NRG3: variants seen among roughly 807,000 people sequenced by gnomAD.
The protein encoded by NRG3 is pro-neuregulin-3, membrane-bound isoform.
A neutral mutation model predicts 66.9 loss-of-function variants in NRG3; 31 were observed. That is an observed-to-expected ratio of 0.46 (90% CI 0.35 to 0.63). NRG3 has a LOEUF of 0.63. Among genes scored for constraint, NRG3 ranks in the 20% least tolerant of loss-of-function variants. NRG3 has a pLI of 0.00. For synonymous variants in NRG3, 393 were observed against 359.4 expected (o/e 1.09, Z -1.06); for missense variants, 910 against 878.9 (o/e 1.04, Z -0.45).
At chr10:82,264,559 A>G (rs1263083304) in intron 1 of NRG3, among the ~76,000 whole-genome samples, 1 of 152,202 alleles carries the variant, frequency 6.6e-6, no homozygotes, top group African/African-American at 2.4e-5. Context: ...CACAGACTGG[A>G]TAAGCTCACC....
intron 2 of NRG3, among the ~76,000 whole-genome samples, chr10:82,697,163 A>G (rs1159620164): frequency 6.6e-6 from 1 of 152,222 alleles, no homozygotes; most frequent in Admixed American, 6.5e-5. Context: ...AGATCCAATA[A>G]TCAAACATAC....
chr10:81,920,839 T>A (rs1846188050), intron 1 of NRG3, among the ~76,000 whole-genome samples: 2 of 152,162 alleles, frequency 1.3e-5, no homozygotes, highest in South Asian at 4.1e-4. Context: ...TTTTTTACAA[T>A]CTGAACAGAA....
chr10:82,186,072 T>C (rs945469850), intron 1 of NRG3, among the ~76,000 whole-genome samples: 2 of 152,206 alleles, frequency 1.3e-5, no homozygotes, highest in African/African-American at 4.8e-5. Flanking sequence ...TGTGTGGGCA[T>C]GAAATTGTTA....
intron 1 of NRG3, among the ~76,000 whole-genome samples, chr10:82,076,884 A>G (rs1024696677): frequency 6.6e-6 from 1 of 152,182 alleles, no homozygotes. Context: ...AGGCAAATTA[A>G]CCAGTATACC....
chr10:82,101,476 G>A (rs1417709087), intron 1 of NRG3, among the ~76,000 whole-genome samples: 1 of 151,662 alleles, frequency 6.6e-6, no homozygotes, highest in East Asian at 1.9e-4. Flanking sequence ...ACTCAATGCT[G>A]TAAATTTTCT....
At chr10:82,423,015 A>G (rs1025444803) in intron 2 of NRG3, among the ~76,000 whole-genome samples, 4 of 152,054 alleles carry the variant, frequency 2.6e-5, no homozygotes, top group Non-Finnish European at 5.9e-5. Flanking sequence ...GTGCCAAGCT[A>G]AGGTGACTTT....
chr10:82,027,843 A>G (rs999847732), intron 1 of NRG3, among the ~76,000 whole-genome samples: 2 of 152,086 alleles, frequency 1.3e-5, no homozygotes, highest in African/African-American at 4.8e-5. Context: ...GACTGAAGGT[A>G]AACTCCCAGA....
intron 3 of NRG3, among the ~76,000 whole-genome samples, chr10:82,758,392 A>T (rs186966361): frequency 6.6e-6 from 1 of 152,252 alleles, no homozygotes; most frequent in East Asian, 1.9e-4. Flanking sequence ...TATTTTTATG[A>T]GTAATAAAGT....
At chr10:82,072,963 T>C (rs1372737989) in intron 1 of NRG3, among the ~76,000 whole-genome samples, 1 of 151,952 alleles carries the variant, frequency 6.6e-6, no homozygotes, top group Non-Finnish European at 1.5e-5. Context: ...TTTGTAGGGA[T>C]AGGATCTCAC....
chr10:82,869,626 G>C lies in NRG3; in HGVS notation c.1054+4189G>C, dbSNP rs957169895. On this transcript the variant is annotated intron_variant, in intron 4 of 8. Transcript: ENST00000372141. ...ATTTTATTTTATTTTATTTTATTTT[G>C]AGACAGAGTTTCGCTCTGTCACCCA... Among the ~76,000 whole-genome samples the C allele has an allele frequency of 2.9e-4, 12 of 42,012 alleles. No individual in the cohort carries two copies. In the East Asian group the frequency reaches 7.0e-3, roughly 24 times the overall value. The allele number at this position is 42,012 out of a possible 152,430, so 27.6% of individuals were successfully genotyped here.
intron 2 of NRG3, among the ~76,000 whole-genome samples, chr10:82,503,830 T>G (rs943358569): frequency 6.6e-6 from 1 of 152,172 alleles, no homozygotes; most frequent in African/African-American, 2.4e-5. Context: ...GTGCTTTCAT[T>G]TGCATGCAGT....
chr10:81,945,075 G>A (rs559413688), intron 1 of NRG3, among the ~76,000 whole-genome samples: 1 of 152,110 alleles, frequency 6.6e-6, no homozygotes, highest in East Asian at 1.9e-4. Context: ...GGCCTTTTGT[G>A]GCTCACCTAC....
chr10:82,880,415 T>A (rs1295959786), intron 4 of NRG3, among the ~76,000 whole-genome samples: 1 of 152,190 alleles, frequency 6.6e-6, no homozygotes. Flanking sequence ...TAAAAAAGCC[T>A]CTTAAGGGAA....
chr10:82,071,553 G>A (rs2064807273), intron 1 of NRG3, among the ~76,000 whole-genome samples: 1 of 152,182 alleles, frequency 6.6e-6, no homozygotes, highest in Non-Finnish European at 1.5e-5. Context: ...AAGGGACACT[G>A]TTGCTGAGCA....
chr10:82,384,066 T>C (rs1231215502), intron 2 of NRG3, among the ~76,000 whole-genome samples: 1 of 152,122 alleles, frequency 6.6e-6, no homozygotes, highest in Non-Finnish European at 1.5e-5. Flanking sequence ...ATTTTGAATA[T>C]AATTTTATCA....
chr10:82,305,287 G>A (rs370246323), intron 1 of NRG3, among the ~76,000 whole-genome samples: 27 of 151,860 alleles, frequency 1.8e-4, no homozygotes, highest in Non-Finnish European at 3.5e-4. Flanking sequence ...GAGCTACCGC[G>A]CCCGGCCCAA....
At chr10:82,656,308 C>CTTTTTTTTTTTTTTTTTTTTTTTCT (rs3040205) in intron 2 of NRG3, among the ~76,000 whole-genome samples, 2 of 132,038 alleles carry the variant, frequency 1.5e-5, no homozygotes, top group Non-Finnish European at 3.2e-5. Flanking sequence ...TTTCTTTTTT[C>CTTTTTTTTTTTTTTTTTTTTTTTCT]TTTTTTTTTT....
intron 1 of NRG3, among the ~76,000 whole-genome samples, chr10:81,944,429 A>T (rs1848663204): frequency 6.6e-6 from 1 of 152,264 alleles, no homozygotes; most frequent in South Asian, 2.1e-4. Context: ...TTGAAAGACT[A>T]AAAGAAAACT....
chr10:82,335,508 T>C (rs890497647), intron 1 of NRG3, among the ~76,000 whole-genome samples: 9 of 152,022 alleles, frequency 5.9e-5, no homozygotes, highest in African/African-American at 2.2e-4. Flanking sequence ...ATAGGGAAAT[T>C]GGGGGTTCAA....
Sources: gnomAD v4.1 joint callset for allele counts (sites outside exome capture counted in the v4.1 genomes callset) on GRCh38, gnomAD v4.1.1 for gene constraint, MANE v1.5 for transcripts, NCBI Gene and HGNC (gene_info 2026-07-23, HGNC 2026-07-21) for gene names.